KMT2C: variants seen among roughly 807,000 people sequenced by gnomAD.
The protein encoded by KMT2C is histone-lysine N-methyltransferase 2C.
KMT2C carries 88 observed loss-of-function variants against 507.9 expected under a neutral mutation model. The observed-to-expected ratio is 0.17, with a 90% confidence interval of 0.15 to 0.21. KMT2C has a LOEUF of 0.21. KMT2C is among the 10% of genes least tolerant of loss of function. The pLI is 1.00. For synonymous variants in KMT2C, 2,049 were observed against 2,080.8 expected (o/e 0.98, Z 0.42); for missense variants, 4,954 against 5,957.8 (o/e 0.83, Z 5.55).
rs554806361 is a variant in KMT2C at position 152,199,478 on chromosome 7, A to G, written c.4093-19T>C. 8.3e-5 allele frequency: 122 copies of G among 1,478,464 alleles called. No individual in the cohort carries two copies. The South Asian group carries it at 1.6e-3, about 20-fold the overall frequency. 91.6% of individuals were successfully genotyped at this position (1,478,464 alleles called of 1,614,324 possible). On this transcript the variant is annotated intron_variant, in intron 26 of 58. Transcript: ENST00000262189. ...AAGCTTCCTAGATGAAGATAAGCAC[A>G]TACAAAAATGGTTAGAAAATTCTAA...
chr7:152,286,913 G>A (rs1021892935), intron 6 of KMT2C, among the ~76,000 whole-genome samples: 59 of 152,274 alleles, frequency 3.9e-4, no homozygotes, highest in African/African-American at 1.3e-3. Flanking sequence ...GAAGCGGCAG[G>A]CTACCAAGAC....
At chr7:152,363,031 T>G (rs2129235516) in intron 1 of KMT2C, among the ~76,000 whole-genome samples, 2 of 152,366 alleles carry the variant, frequency 1.3e-5, no homozygotes, top group Admixed American at 1.3e-4. Context: ...ATGTGACTTT[T>G]CTGACTAATC....
intron 34 of KMT2C, among the ~76,000 whole-genome samples, chr7:152,184,351 T>TA (rs1397320677): frequency 6.6e-6 from 1 of 152,074 alleles, no homozygotes; most frequent in Non-Finnish European, 1.5e-5. Flanking sequence ...ACTATATATA[T>TA]TTTCCAACAA....
chr7:152,301,134 G>T (rs888848496), intron 6 of KMT2C, among the ~76,000 whole-genome samples: 1 of 151,644 alleles, frequency 6.6e-6, no homozygotes. Flanking sequence ...AGGCCCAGGT[G>T]GGAGAACTGC....
chr7:152,362,863 C>G (rs1335277784), intron 1 of KMT2C, among the ~76,000 whole-genome samples: 1 of 152,174 alleles, frequency 6.6e-6, no homozygotes, highest in East Asian at 1.9e-4. Context: ...CTTCTGATTT[C>G]TATTCTTGGT....
intron 31 of KMT2C, among the ~76,000 whole-genome samples, chr7:152,193,783 C>T (rs1418562161): frequency 6.6e-6 from 1 of 152,138 alleles, no homozygotes; most frequent in Non-Finnish European, 1.5e-5. Context: ...GGCACTGTTA[C>T]ATCCTCCCCA....
In KMT2C at chr7:152,254,546, C is replaced by T. The variant is rs1267026977; in HGVS notation, c.1300-1831G>A. Among the ~76,000 whole-genome samples the T allele has an allele frequency of 2.0e-5, 3 of 152,070 alleles. No individual in the cohort carries two copies. The East Asian group carries it at 5.8e-4, about 29-fold the overall frequency. ...AAGAATCAAAACCCATTACTAATAA[C>T]TCTTGAGAAAGTAAAAATGGATGGG... On this transcript the variant is annotated intron_variant, in intron 9 of 58. Coordinates refer to ENST00000262189, the MANE Select transcript of KMT2C (RefSeq NM_170606.3).
chr7:152,349,044 G>A (rs1023401727), intron 2 of KMT2C, among the ~76,000 whole-genome samples: 2 of 152,142 alleles, frequency 1.3e-5, no homozygotes, highest in Non-Finnish European at 2.9e-5. Flanking sequence ...GCCAAAACCA[G>A]GGTGCAAATA....
chr7:152,157,742 C>G, intron 44 of KMT2C: 2 of 1,205,122 alleles, frequency 1.7e-6, no homozygotes, highest in Non-Finnish European at 2.1e-6. Flanking sequence ...CAAGACAACA[C>G]CTTGGCAGAG....
chr7:152,333,228 G>C (rs1014759017), intron 2 of KMT2C, among the ~76,000 whole-genome samples: 1 of 151,818 alleles, frequency 6.6e-6, no homozygotes, highest in African/African-American at 2.4e-5. Flanking sequence ...GCATTCTTGG[G>C]CTCAAGAATC....
chr7:152,343,497 A>C (rs1394019969), intron 2 of KMT2C, among the ~76,000 whole-genome samples: 3 of 151,892 alleles, frequency 2.0e-5, no homozygotes. Context: ...GAAAACTACA[A>C]AAAGGTAACA....
intron 1 of KMT2C, among the ~76,000 whole-genome samples, chr7:152,363,967 G>T (rs750472477): frequency 6.6e-5 from 10 of 152,140 alleles, no homozygotes; most frequent in Non-Finnish European, 8.8e-5. Flanking sequence ...AGCCAGAGTG[G>T]CAAGACCTCA....
intron 14 of KMT2C, among the ~76,000 whole-genome samples, chr7:152,239,594 A>G (rs554643422): frequency 1.3e-5 from 2 of 152,220 alleles, no homozygotes; most frequent in Non-Finnish European, 2.9e-5. Context: ...ATTAAAATCT[A>G]TATAACTAAA....
intron 1 of KMT2C, among the ~76,000 whole-genome samples, chr7:152,416,839 A>G (rs1470768138): frequency 1.3e-5 from 2 of 151,376 alleles, no homozygotes; most frequent in Non-Finnish European, 2.9e-5. Flanking sequence ...GTCACTTGAG[A>G]CAGGAGTTCA....
At chr7:152,394,607 T>C (rs886429630) in intron 1 of KMT2C, among the ~76,000 whole-genome samples, 16 of 152,226 alleles carry the variant, frequency 1.1e-4, no homozygotes, top group Admixed American at 6.5e-5. Flanking sequence ...GTCCCTTCCA[T>C]GGCTTTATTT....
chr7:152,250,426 C>G (rs1158855482), intron 12 of KMT2C, among the ~76,000 whole-genome samples: 2 of 152,042 alleles, frequency 1.3e-5, no homozygotes, highest in African/African-American at 2.4e-5. Flanking sequence ...AATAATAGCT[C>G]TTATCAATAT....
Position 152,181,202 on chromosome 7 carries a change from G to T in KMT2C, c.6658C>A (p.Gln2220Lys), listed in dbSNP as rs1412637014. The T allele has an allele frequency of 6.2e-7, 1 of 1,614,152 alleles. No homozygotes were observed. Among genetic ancestry groups the T allele is most frequent in the Admixed American group, 1.7e-5 (1 of 60,014 alleles). The change falls in exon 36 of 59, where the codon CAG (glutamine) becomes AAG (lysine). Residue 2220 changes from glutamine to lysine, a missense_variant. Physicochemically the swap from Gln to Lys is moderately conservative, Grantham distance 53. Coordinates refer to ENST00000262189, the MANE Select transcript of KMT2C (RefSeq NM_170606.3). ...PRPGISVPYS[Q>K]PPATPRPRIS... is the part of the protein sequence containing the mutation. ...CTTGGCCTTGGTGTTGCTGGTGGCTGAGAGTAAGGGACAGAAATTCCAGGT... is the reference window on the plus strand; with the variant it reads ...CTTGGCCTTGGTGTTGCTGGTGGCTTAGAGTAAGGGACAGAAATTCCAGGT...
At chr7:152,215,078 A>G (rs542597883) in intron 23 of KMT2C, among the ~76,000 whole-genome samples, 1 of 147,868 alleles carries the variant, frequency 6.8e-6, no homozygotes, top group East Asian at 1.9e-4. Context: ...AAATAAATGA[A>G]AAAAAAAACT....
At chr7:152,142,183 A>G (rs983895985) in intron 55 of KMT2C, among the ~76,000 whole-genome samples, 1 of 152,274 alleles carries the variant, frequency 6.6e-6, no homozygotes, top group Non-Finnish European at 1.5e-5. Flanking sequence ...CCAAGACTAG[A>G]TGCAACAGAA....
Sources: gnomAD v4.1 joint callset for allele counts (sites outside exome capture counted in the v4.1 genomes callset) on GRCh38, gnomAD v4.1.1 for gene constraint, MANE v1.5 for transcripts, NCBI Gene and HGNC (gene_info 2026-07-23, HGNC 2026-07-21) for gene names.